Variants in ADGRL2 observed in about 807,000 individuals in gnomAD.
The protein encoded by ADGRL2 is calcium-independent alpha-latrotoxin receptor 2.
In ADGRL2, 44 loss-of-function variants were observed where a neutral mutation model predicts 157.4. The ratio of observed to expected loss-of-function variants is 0.28; its 90% CI spans 0.22 to 0.36. The LOEUF (loss-of-function observed/expected upper bound fraction) is 0.36, where lower values mean the gene tolerates loss of function less well. Among genes scored for constraint, ADGRL2 ranks in the 10% least tolerant of loss-of-function variants. The probability of loss-of-function intolerance (pLI) is 1.00; values close to 1 mark genes in which losing one functional copy is unlikely to be tolerated. For synonymous variants in ADGRL2, 585 were observed against 624.7 expected (o/e 0.94, Z 0.95); for missense variants, 1,510 against 1,768.9 (o/e 0.85, Z 2.63).
intron 2 of ADGRL2, among the ~76,000 whole-genome samples, chr1:81,852,930 CTTTAAA>C (rs1220237802): frequency 6.6e-6 from 1 of 152,000 alleles, no homozygotes; most frequent in African/African-American, 2.4e-5. Flanking sequence ...AGATCTGATA[CTTTAAA>C]TTTAACCTGT....
intron 1 of ADGRL2, among the ~76,000 whole-genome samples, chr1:81,728,962 C>A (rs1355641809): frequency 1.3e-5 from 2 of 152,022 alleles, no homozygotes; most frequent in African/African-American, 4.8e-5. Context: ...AATATGGGAG[C>A]AAAGATGCCC....
intron 2 of ADGRL2, among the ~76,000 whole-genome samples, chr1:81,860,774 C>A (rs929090757): frequency 6.6e-6 from 1 of 152,136 alleles, no homozygotes; most frequent in African/African-American, 2.4e-5. Context: ...TGCTGACTTT[C>A]AGCCGTGAAA....
At chr1:81,730,549 C>T (rs1161199695) in intron 1 of ADGRL2, among the ~76,000 whole-genome samples, 1 of 151,908 alleles carries the variant, frequency 6.6e-6, no homozygotes, top group Non-Finnish European at 1.5e-5. Context: ...ATGGTGAAAC[C>T]CCATCTCTAC....
At chr1:81,867,366 G>A (rs12139921) in intron 2 of ADGRL2, among the ~76,000 whole-genome samples, 41,093 of 152,042 alleles carry the variant, frequency 0.27, 6,316 homozygotes, top group Middle Eastern at 0.51. Flanking sequence ...CTATAAAAAC[G>A]AACCAAACTT....
intron 3 of ADGRL2, among the ~76,000 whole-genome samples, chr1:81,909,705 A>C (rs1009555164): frequency 7.9e-5 from 12 of 151,006 alleles, no homozygotes; most frequent in African/African-American, 2.7e-4. Flanking sequence ...TATTCTTTCT[A>C]GTTCAAACCA....
Position 81,956,086 on chromosome 1 carries a change from A to C in ADGRL2, c.2017+26A>C, listed in dbSNP as rs202171967. 3.6e-4 allele frequency: 555 copies of C among 1,531,654 alleles called. 5 individuals carry two copies. The South Asian group carries it at 4.1e-3, about 11-fold the overall frequency. The allele number at this position is 1,531,654 out of a possible 1,614,324, so 94.9% of individuals were successfully genotyped here. ...GTAAGTGAATCTACTGTCAAGTTTA[A>C]TTTTGATTTAGGATATTCATATGTA... On this transcript the variant is annotated intron_variant, in intron 11 of 23. Coordinates refer to ENST00000686636, the MANE Select transcript of ADGRL2 (RefSeq NM_001366006.2).
intron 2 of ADGRL2, among the ~76,000 whole-genome samples, chr1:81,792,748 A>G (rs1440689852): frequency 3.3e-5 from 5 of 152,052 alleles, no homozygotes; most frequent in African/African-American, 1.2e-4. Flanking sequence ...TTTTTAAGGA[A>G]ACAGTATTTA....
At chr1:81,545,809 C>G (rs1054790041) in intron 2 of ADGRL2, among the ~76,000 whole-genome samples, 7 of 152,074 alleles carry the variant, frequency 4.6e-5, no homozygotes, top group Non-Finnish European at 8.8e-5. Context: ...GGTCCTAACC[C>G]CCACACTATC....
chr1:81,545,193 T>C (rs1200700159), intron 2 of ADGRL2, among the ~76,000 whole-genome samples: 3 of 152,088 alleles, frequency 2.0e-5, no homozygotes, highest in East Asian at 1.9e-4. Context: ...GGGATCGAGG[T>C]TCAAAACACT....
chr1:81,720,246 G>T (rs1291207174), intron 1 of ADGRL2, among the ~76,000 whole-genome samples: 1 of 143,352 alleles, frequency 7.0e-6, no homozygotes, highest in African/African-American at 2.6e-5. Flanking sequence ...GCAGTGGCAT[G>T]ATCTTAGCTT....
intron 1 of ADGRL2, among the ~76,000 whole-genome samples, chr1:81,436,268 C>A (rs1384372479): frequency 1.3e-5 from 2 of 152,034 alleles, no homozygotes; most frequent in Non-Finnish European, 2.9e-5. Flanking sequence ...AACGTACTTG[C>A]CGACGACATC....
intron 1 of ADGRL2, among the ~76,000 whole-genome samples, chr1:81,743,214 T>C (rs1389490860): frequency 6.6e-6 from 1 of 151,944 alleles, no homozygotes; most frequent in Non-Finnish European, 1.5e-5. Context: ...AACCTGGAAT[T>C]AGAACAAGTT....
In ADGRL2 at chr1:81,594,428, CAAGTT is replaced by C. The variant is rs559842696; in HGVS notation, c.-143+13449_-143+13453del. Reference sequence around the variant, plus strand: ...ATGCATGCCAATGCTTTGGATAAGTCAAGTTGTCATTCTGCTCCATAAATATTTAT... The same window carrying C: ...ATGCATGCCAATGCTTTGGATAAGTCGTCATTCTGCTCCATAAATATTTAT... On this transcript the variant is annotated intron_variant, in intron 3 of 24. Coordinates refer to the ADGRL2 transcript ENST00000370721. 1.5e-3 allele frequency among the ~76,000 whole-genome samples: 224 copies of C among 152,302 alleles called. 1 individual carries two copies. The highest frequency in any genetic ancestry group is 5.1e-3 in the African/African-American group (211 of 41,578).
chr1:81,986,775 T>G, intron 21 of ADGRL2, 126 bp from the exon 22 acceptor site: 1 of 873,078 alleles, frequency 1.1e-6, no homozygotes, highest in Non-Finnish European at 1.7e-6. Context: ...CAACAGATTT[T>G]CCATTGCCAA....
rs183373780 is a variant in ADGRL2, at chr1:81,435,128, T to C, written c.-301-9908T>C. Reference sequence around the variant, plus strand: ...GTTTTTCAAAAACTCCACTTATGTTTCCAAACACATTAAAAAATATTAAAA... The same window carrying C: ...GTTTTTCAAAAACTCCACTTATGTTCCCAAACACATTAAAAAATATTAAAA... On this transcript the variant is annotated intron_variant, in intron 1 of 24. Transcript: ENST00000370721. 1.3e-4 allele frequency among the ~76,000 whole-genome samples: 20 copies of C among 152,312 alleles called. No individual in the cohort carries two copies. In the Middle Eastern group the frequency reaches 0.01, roughly 78 times the overall value.
At chr1:81,611,009 T>G (rs1244502455) in intron 3 of ADGRL2, among the ~76,000 whole-genome samples, 1 of 152,220 alleles carries the variant, frequency 6.6e-6, no homozygotes, top group Non-Finnish European at 1.5e-5. Flanking sequence ...TCACAAATTC[T>G]AAGCCAGTTT....
intron 2 of ADGRL2, among the ~76,000 whole-genome samples, chr1:81,528,463 C>T (rs945630811): frequency 3.3e-5 from 5 of 151,780 alleles, no homozygotes; most frequent in Non-Finnish European, 5.9e-5. Context: ...CTGGCTAACA[C>T]GGTGAAACCC....
chr1:81,748,560 G>A (rs2085386603), intron 1 of ADGRL2, among the ~76,000 whole-genome samples: 1 of 151,346 alleles, frequency 6.6e-6, no homozygotes, highest in East Asian at 1.9e-4. Flanking sequence ...TTTAAATAGA[G>A]TCACTATTTG....
At chr1:81,352,209 G>A (rs368246781) in intron 1 of ADGRL2, among the ~76,000 whole-genome samples, 116 of 152,312 alleles carry the variant, frequency 7.6e-4, no homozygotes, top group African/African-American at 2.8e-3. Context: ...AGAGTTGAGG[G>A]TGACAGAACA....
Sources: gnomAD v4.1 joint callset for allele counts (sites outside exome capture counted in the v4.1 genomes callset) on GRCh38, gnomAD v4.1.1 for gene constraint, MANE v1.5 for transcripts, NCBI Gene and HGNC (gene_info 2026-07-23, HGNC 2026-07-21) for gene names.